KCMF1: variants seen among roughly 807,000 people sequenced by gnomAD.
The protein encoded by KCMF1 is E3 ubiquitin-protein ligase KCMF1.
KCMF1 carries 3 observed loss-of-function variants against 41.1 expected under a neutral mutation model. The observed-to-expected ratio is 0.07, with a 90% CI of 0.03 to 0.19. KCMF1 has a LOEUF of 0.19. Ranked by LOEUF, KCMF1 falls within the 10% of genes least tolerant of loss-of-function variation. KCMF1 has a pLI of 1.00. For synonymous variants in KCMF1, 142 were observed against 164.5 expected (o/e 0.86, Z 1.04); for missense variants, 286 against 488.9 (o/e 0.58, Z 3.91).
intron 1 of KCMF1, among the ~76,000 whole-genome samples, chr2:84,984,445 A>C (rs1432518100): frequency 1.3e-5 from 2 of 151,944 alleles, no homozygotes; most frequent in Non-Finnish European, 1.5e-5. Context: ...TAGATTTTTC[A>C]TTTCTTTTTC....
At chr2:85,003,203 G>A (rs985663706) in intron 1 of KCMF1, among the ~76,000 whole-genome samples, 1 of 152,210 alleles carries the variant, frequency 6.6e-6, no homozygotes, top group African/African-American at 2.4e-5. Flanking sequence ...GCCGGGCGCG[G>A]TGGCTCACGC....
chr2:85,026,383 T>G (rs569901457), intron 1 of KCMF1, among the ~76,000 whole-genome samples: 8 of 151,424 alleles, frequency 5.3e-5, no homozygotes, highest in Non-Finnish European at 1.5e-5. Flanking sequence ...GCAGCCCTCT[T>G]GTCTTAGCCT....
intron 3 of KCMF1, among the ~76,000 whole-genome samples, chr2:85,037,210 T>G (rs1009663550): frequency 1.3e-5 from 2 of 152,202 alleles, no homozygotes; most frequent in African/African-American, 4.8e-5. Context: ...TTGTGGAATA[T>G]TTTAAGGATT....
At chr2:85,023,130 G>T (rs1466735952) in intron 1 of KCMF1, among the ~76,000 whole-genome samples, 1 of 151,460 alleles carries the variant, frequency 6.6e-6, no homozygotes, top group South Asian at 2.1e-4. Flanking sequence ...CTCATGAGCC[G>T]CCCGCCTCGG....
At chr2:85,016,434 T>C (rs1284728141) in intron 1 of KCMF1, among the ~76,000 whole-genome samples, 1 of 150,572 alleles carries the variant, frequency 6.6e-6, no homozygotes, top group Non-Finnish European at 1.5e-5. Flanking sequence ...GAAAGCTCTC[T>C]AAAAAAAAAC....
chr2:85,021,057 T>C (rs1270335717), intron 1 of KCMF1, among the ~76,000 whole-genome samples: 1 of 152,162 alleles, frequency 6.6e-6, no homozygotes, highest in Non-Finnish European at 1.5e-5. Flanking sequence ...TATGCTTGTC[T>C]TCACGCACTA....
intron 1 of KCMF1, among the ~76,000 whole-genome samples, chr2:84,999,068 C>T (rs1348159436): frequency 6.9e-6 from 1 of 144,322 alleles, no homozygotes; most frequent in African/African-American, 2.6e-5. Flanking sequence ...CCATCCAAGA[C>T]GTAGTCTTGC....
intron 2 of KCMF1, among the ~76,000 whole-genome samples, chr2:85,032,740 G>C: frequency 6.6e-6 from 1 of 152,064 alleles, no homozygotes; most frequent in East Asian, 1.9e-4. Flanking sequence ...TTGAACTCCT[G>C]ACCTCAAGTG....
At chr2:85,050,127 G>A (rs931655992) in intron 6 of KCMF1, among the ~76,000 whole-genome samples, 3 of 152,180 alleles carry the variant, frequency 2.0e-5, no homozygotes, top group African/African-American at 7.2e-5. Flanking sequence ...CAGCCTGGGT[G>A]ACAAGAGTGA....
intron 1 of KCMF1, among the ~76,000 whole-genome samples, chr2:85,005,153 C>G (rs370493970): frequency 6.6e-6 from 1 of 151,774 alleles, no homozygotes; most frequent in African/African-American, 2.4e-5. Context: ...AAGATCCACC[C>G]GCCTCAGCCT....
chr2:85,010,945 G>A (rs1375576962), intron 1 of KCMF1, among the ~76,000 whole-genome samples: 1 of 151,642 alleles, frequency 6.6e-6, no homozygotes, highest in Non-Finnish European at 1.5e-5. Context: ...CCGGGTTCAA[G>A]CAATTCTTCT....
intron 2 of KCMF1, among the ~76,000 whole-genome samples, chr2:85,030,856 C>T (rs893867693): frequency 6.6e-6 from 1 of 152,192 alleles, no homozygotes; most frequent in Non-Finnish European, 1.5e-5. Context: ...GCCACCACGC[C>T]TAGCTGATTT....
chr2:84,987,557 AG>A (rs1176190089), intron 1 of KCMF1, among the ~76,000 whole-genome samples: 3 of 152,160 alleles, frequency 2.0e-5, no homozygotes, highest in Non-Finnish European at 2.9e-5. Flanking sequence ...GGCATCTAGG[AG>A]GGGAGAGACA....
chr2:85,020,569 G>T (rs544981725), intron 1 of KCMF1, among the ~76,000 whole-genome samples: 1 of 152,096 alleles, frequency 6.6e-6, no homozygotes, highest in South Asian at 2.1e-4. Context: ...GGGACTACAG[G>T]TGCTCACCAC....
intron 1 of KCMF1, among the ~76,000 whole-genome samples, chr2:84,995,185 C>G (rs1467294339): frequency 6.6e-6 from 1 of 152,006 alleles, no homozygotes; most frequent in Non-Finnish European, 1.5e-5. Context: ...CCAACCCCAG[C>G]TAATTTTCAT....
intron 1 of KCMF1, among the ~76,000 whole-genome samples, chr2:85,024,895 T>C (rs916926161): frequency 6.6e-6 from 1 of 152,210 alleles, no homozygotes; most frequent in Non-Finnish European, 1.5e-5. Flanking sequence ...CATCTGTTTC[T>C]GGTCTTTCCG....
chr2:85,023,545 T>G (rs940285051), intron 1 of KCMF1, among the ~76,000 whole-genome samples: 20 of 151,814 alleles, frequency 1.3e-4, no homozygotes, highest in African/African-American at 4.6e-4. Context: ...ATGGTGTCGA[T>G]CTACTGACCT....
Position 85,040,361 on chromosome 2 carries a change from A to G in KCMF1, c.325-3203A>G, listed in dbSNP as rs1048157482. On this transcript the variant is annotated intron_variant, in intron 3 of 6. Coordinates refer to ENST00000409785, the MANE Select transcript of KCMF1 (RefSeq NM_020122.5). ...GTGTCGAGTTTTCCTGTCCTGTAAG[A>G]GATATTAGGCACCATGATGTAGAAA... 2.0e-5 allele frequency among the ~76,000 whole-genome samples: 3 copies of G among 152,214 alleles called. No individual in the cohort carries two copies. In the South Asian group the frequency reaches 6.2e-4, roughly 32 times the overall value.
chr2:85,013,595 C>T (rs926694202), intron 1 of KCMF1, among the ~76,000 whole-genome samples: 2 of 151,904 alleles, frequency 1.3e-5, no homozygotes, highest in East Asian at 1.9e-4. Context: ...GCCGGTAGTT[C>T]GAGACCAGCC....
Sources: gnomAD v4.1 joint callset for allele counts (sites outside exome capture counted in the v4.1 genomes callset) on GRCh38, gnomAD v4.1.1 for gene constraint, MANE v1.5 for transcripts, NCBI Gene and HGNC (gene_info 2026-07-23, HGNC 2026-07-21) for gene names.